NVL: variants seen among roughly 807,000 people sequenced by gnomAD.
NVL encodes nuclear valosin-containing protein-like.
In NVL, 84 loss-of-function variants were observed where a neutral mutation model predicts 110.2. That is an observed-to-expected ratio of 0.76 (90% CI 0.64 to 0.91). The LOEUF (loss-of-function observed/expected upper bound fraction) is 0.91. Ranked by LOEUF, NVL falls within the 40% of genes least tolerant of loss-of-function variation. NVL has a pLI of 0.00. For missense variants in NVL, 882 were observed against 1,035.9 expected, an observed-to-expected ratio of 0.85 and a Z score of 2.04; for synonymous variants, 354 against 361.1, an observed-to-expected ratio of 0.98 and a Z score of 0.22.
At chr1:224,244,704 T>C (rs1277959461) in intron 19 of NVL, among the ~76,000 whole-genome samples, 1 of 151,164 alleles carries the variant, frequency 6.6e-6, no homozygotes, top group Non-Finnish European at 1.5e-5. Flanking sequence ...TTTTTTTTTT[T>C]TGAGATGGAG....
rs1660487935 is a variant in NVL, at chr1:224,236,497, A to T, written c.2366+9T>A. The T allele has an allele frequency of 6.2e-7, 1 of 1,608,782 alleles. No homozygotes were observed. Among genetic ancestry groups the T allele is most frequent in the African/African-American group, 1.3e-5 (1 of 74,810 alleles). ...AGAGAGTGAATTGACTTAAGATTTA[A>T]ACACTTACGTATAGCAATCACAGCG... On this transcript the variant is annotated intron_variant, in intron 20 of 22. Transcript: ENST00000281701.
At chr1:224,239,535 C>T (rs966185475) in intron 19 of NVL, among the ~76,000 whole-genome samples, 19 of 152,188 alleles carry the variant, frequency 1.2e-4, no homozygotes, top group African/African-American at 4.6e-4. Context: ...GACTGTCACA[C>T]TGTCACATTA....
At chr1:224,286,874 T>A in intron 14 of NVL, among the ~76,000 whole-genome samples, 1 of 152,164 alleles carries the variant, frequency 6.6e-6, no homozygotes, top group Non-Finnish European at 1.5e-5. Flanking sequence ...CATGGAATGA[T>A]GAGTAGAAAA....
intron 19 of NVL, among the ~76,000 whole-genome samples, chr1:224,238,752 G>A (rs990824880): frequency 1.3e-5 from 2 of 152,080 alleles, no homozygotes; most frequent in Non-Finnish European, 2.9e-5. Context: ...CAATCCTGGG[G>A]GCAGGTAGAA....
At chr1:224,328,906 G>A (rs1399695750) in intron 1 of NVL, among the ~76,000 whole-genome samples, 1 of 152,040 alleles carries the variant, frequency 6.6e-6, no homozygotes, top group African/African-American at 2.4e-5. Context: ...TATAAAGTTA[G>A]CAGTCATAAA....
At chr1:224,237,730 CT>C (rs775411063) in intron 19 of NVL, among the ~76,000 whole-genome samples, 54 of 130,070 alleles carry the variant, frequency 4.2e-4, no homozygotes, top group Admixed American at 6.6e-4. Flanking sequence ...TGCCTGGCTA[CT>C]TTTTTTTTTT....
intron 16 of NVL, among the ~76,000 whole-genome samples, chr1:224,280,179 G>T (rs376765834): frequency 0.016 from 1,953 of 123,024 alleles, 34 homozygotes; most frequent in African/African-American, 0.047. Context: ...GTTTTTTTTT[G>T]TTTTTTTTTT....
At chr1:224,242,305 T>C (rs758811143) in intron 19 of NVL, among the ~76,000 whole-genome samples, 20 of 152,168 alleles carry the variant, frequency 1.3e-4, no homozygotes, top group Non-Finnish European at 2.6e-4. Context: ...GTAAATTTTA[T>C]GTTATGTATC....
chr1:224,312,329 A>C (rs1048675866), intron 4 of NVL, among the ~76,000 whole-genome samples: 1 of 152,184 alleles, frequency 6.6e-6, no homozygotes, highest in Admixed American at 6.6e-5. Flanking sequence ...TGACCAAAGC[A>C]TGTAACCAAA....
rs114337724 is a variant in NVL at position 224,252,086 on chromosome 1, G to A, written c.2183-1768C>T. On this transcript the variant is annotated intron_variant, in intron 18 of 22. Transcript: ENST00000281701. Reference sequence around the variant, plus strand: ...TCCTACACATTCTTCCAACTCCCACGCCCTGTTTACACCAGATGTCTTGCT... The same window carrying A: ...TCCTACACATTCTTCCAACTCCCACACCCTGTTTACACCAGATGTCTTGCT... Among the ~76,000 whole-genome samples the A allele has an allele frequency of 8.4e-3, 1,278 of 151,918 alleles. 10 individuals carry two copies. The highest frequency in any genetic ancestry group is 0.015 in the Non-Finnish European group (1,005 of 67,990).
rs558215404 is a variant in NVL, at chr1:224,282,759, T to C, written c.1900-1574A>G. The stretch of plus-strand genomic sequence containing the variant: ...CCACTTCTAAAACTGGACTCCCAAT[T>C]CTTATTCTTCCAAACCTCTCCAACT... On this transcript the variant is annotated intron_variant, in intron 15 of 22. Transcript: ENST00000281701. Among the ~76,000 whole-genome samples the C allele has an allele frequency of 3.3e-5, 5 of 152,304 alleles. No homozygotes were observed. The East Asian group carries it at 9.6e-4, about 29-fold the overall frequency.
At chr1:224,236,458 G>A in intron 20 of NVL, 48 bp downstream of exon 20, 1 of 1,424,152 alleles carries the variant, frequency 7.0e-7, no homozygotes, top group Non-Finnish European at 9.9e-7. Context: ...TTATAGATGA[G>A]GAAATTGAAC....
intron 18 of NVL, among the ~76,000 whole-genome samples, chr1:224,258,917 G>C (rs2405062): frequency 1.4e-5 from 2 of 148,006 alleles, no homozygotes; most frequent in African/African-American, 5.0e-5. Flanking sequence ...CCAAGGCAGG[G>C]GGCATGCTGC....
intron 14 of NVL, among the ~76,000 whole-genome samples, chr1:224,286,480 AC>A (rs758757224): frequency 1.3e-5 from 2 of 152,172 alleles, no homozygotes; most frequent in Admixed American, 1.3e-4. Context: ...TGCTGGGATT[AC>A]AGGCATGAGC....
At chr1:224,240,935 T>G (rs1273685954) in intron 19 of NVL, among the ~76,000 whole-genome samples, 2 of 151,908 alleles carry the variant, frequency 1.3e-5, no homozygotes, top group Non-Finnish European at 2.9e-5. Flanking sequence ...GGATTACAGA[T>G]GTACACCACC....
At chr1:224,306,923 G>A (rs1430976345) in intron 6 of NVL, among the ~76,000 whole-genome samples, 1 of 152,146 alleles carries the variant, frequency 6.6e-6, no homozygotes, top group East Asian at 1.9e-4. Flanking sequence ...GATAATTAAA[G>A]CAAAGAGATT....
chr1:224,323,553 C>T (rs968869613), intron 2 of NVL, among the ~76,000 whole-genome samples: 3 of 152,060 alleles, frequency 2.0e-5, no homozygotes, highest in Non-Finnish European at 2.9e-5. Context: ...CTGAAGGGAC[C>T]GAGATGGGGA....
At chr1:224,249,415 C>T (rs977541785) in intron 19 of NVL, among the ~76,000 whole-genome samples, 32 of 152,034 alleles carry the variant, frequency 2.1e-4, no homozygotes, top group Non-Finnish European at 1.8e-4. Flanking sequence ...TGTGAGCCAA[C>T]GTGTTTGGCC....
intron 18 of NVL, among the ~76,000 whole-genome samples, chr1:224,266,377 T>C (rs1196038859): frequency 2.0e-5 from 3 of 152,210 alleles, no homozygotes; most frequent in African/African-American, 7.2e-5. Flanking sequence ...GTAAAATTAA[T>C]TAAACTTTAT....
Sources: gnomAD v4.1 joint callset for allele counts (sites outside exome capture counted in the v4.1 genomes callset) on GRCh38, gnomAD v4.1.1 for gene constraint, MANE v1.5 for transcripts, NCBI Gene and HGNC (gene_info 2026-07-23, HGNC 2026-07-21) for gene names.